Variants in CHTOP observed in about 807,000 individuals in gnomAD.
The protein encoded by CHTOP is chromatin target of PRMT1.
Under a neutral mutation model 33.6 loss-of-function variants are expected in CHTOP, and 18 were observed. The ratio of observed to expected loss-of-function variants is 0.54; its 90% CI spans 0.37 to 0.80. The LOEUF (loss-of-function observed/expected upper bound fraction) is 0.80. Among genes scored for constraint, CHTOP ranks in the 30% least tolerant of loss-of-function variants. CHTOP has a pLI of 0.00. For synonymous variants in CHTOP, 117 were observed against 127.7 expected (o/e 0.92, Z 0.56); for missense variants, 263 against 336.8 (o/e 0.78, Z 1.71).
At chr1:153,634,864 T>TG (rs1469611972) in intron 1 of CHTOP, among the ~76,000 whole-genome samples, 1 of 99,662 alleles carries the variant, frequency 1.0e-5, no homozygotes. Flanking sequence ...ATATTTTTTT[T>TG]TGGGGGGGGA....
At chr1:153,638,272 A>T (rs368889754) in intron 2 of CHTOP, 23 bp from the exon 3 acceptor site, 1 of 1,610,078 alleles carries the variant, frequency 6.2e-7, no homozygotes, top group Non-Finnish European at 8.5e-7. Context: ...TTATTTAAAC[A>T]TCCATTTTGT....
At chr1:153,639,976 G>T (rs374143285) in intron 3 of CHTOP, among the ~76,000 whole-genome samples, 1 of 152,018 alleles carries the variant, frequency 6.6e-6, no homozygotes, top group African/African-American at 2.4e-5. Flanking sequence ...GTTTTGTCAT[G>T]TTGGCCAGAC....
At chr1:153,642,125 A>G in intron 3 of CHTOP, 121 bp from the exon 4 acceptor site, 1 of 732,318 alleles carries the variant, frequency 1.4e-6, no homozygotes, top group East Asian at 2.8e-5. Context: ...GACACCCACA[A>G]CAGGTTTATC....
intron 5 of CHTOP, 64 bp from the exon 6 acceptor site, chr1:153,645,000 C>G (rs776209269): frequency 1.7e-5 from 26 of 1,487,654 alleles, no homozygotes; most frequent in Admixed American, 1.3e-4. Context: ...GGGGCATTTA[C>G]TACAGCACCT....
In CHTOP at chr1:153,645,314, C is replaced by A; in HGVS notation, c.*45C>A. 1 of 1,569,488 alleles carries A rather than the reference C, an allele frequency of 6.4e-7. No individual in the cohort carries two copies. The highest frequency in any genetic ancestry group is 1.3e-5 in the African/African-American group (1 of 74,106). On this transcript the variant is annotated 3_prime_UTR_variant, in exon 6 of 6. Coordinates refer to ENST00000368694, the MANE Select transcript of CHTOP (RefSeq NM_015607.4). ...GAGAGACTCTTGTTAGTCAACACAT[C>A]TGTAAATAACCTTGAGATAACAGAT...
chr1:153,642,736 A>G (rs917714197), intron 4 of CHTOP: 1 of 248,206 alleles, frequency 4.0e-6, no homozygotes, highest in Non-Finnish European at 7.8e-6. Context: ...CAAGTCAAAC[A>G]TAAGAAATTT....
intron 5 of CHTOP, 109 bp from the exon 6 acceptor site, chr1:153,644,955 C>T (rs1367656031): frequency 3.1e-6 from 3 of 969,234 alleles, no homozygotes; most frequent in African/African-American, 3.3e-5. Flanking sequence ...TTGCCCTGCC[C>T]TTCAGCTTTT....
chr1:153,635,849 C>T (rs1176940808), intron 1 of CHTOP, among the ~76,000 whole-genome samples: 1 of 151,478 alleles, frequency 6.6e-6, no homozygotes, highest in Non-Finnish European at 1.5e-5. Flanking sequence ...AGACTCCATA[C>T]TTTGATTGCT....
At chr1:153,639,629 A>G (rs1193061388) in intron 3 of CHTOP, among the ~76,000 whole-genome samples, 2 of 152,204 alleles carry the variant, frequency 1.3e-5, no homozygotes, top group African/African-American at 4.8e-5. Context: ...AAGCAGCAAA[A>G]GGCACCATTT....
rs745605535 is a variant in CHTOP, at chr1:153,642,306, G to A, written c.280G>A (p.Ala94Thr). 6.2e-7 allele frequency: 1 copy of A among 1,614,194 alleles called. No homozygotes were observed. The change falls in exon 4 of 6, where the codon GCC becomes ACC. Residue 94 changes from alanine to threonine, a missense_variant. By Grantham distance (58) the Ala-to-Thr change is moderately conservative (BLOSUM62 0). Around this residue, in one of 3 missense-constraint regions of CHTOP, gnomAD observed 168 missense variants for 179.9 expected, o/e 0.93. Transcript: ENST00000368694. ...GGCACGGTTAGGCCGACCCATAGGG[G>A]CCCTGGCCAGGGGAGCAATCGGAGG... ...IQARLGRPIG[A>T]LARGAIGGRG...
At chr1:153,638,599 A>T in intron 3 of CHTOP, 151 bp downstream of exon 3, 1 of 877,032 alleles carries the variant, frequency 1.1e-6, no homozygotes, top group Non-Finnish European at 1.8e-6. Context: ...AGAGAATTCC[A>T]ATTTTGGCAG....
intron 3 of CHTOP, chr1:153,639,342 T>TA: frequency 2.7e-6 from 2 of 737,346 alleles, no homozygotes; most frequent in South Asian, 1.2e-4. Context: ...AGACCTGAAA[T>TA]AAAACCTGCT....
At chr1:153,635,912 A>AGTTT (rs555384560) in intron 1 of CHTOP, among the ~76,000 whole-genome samples, 7 of 151,186 alleles carry the variant, frequency 4.6e-5, no homozygotes, top group South Asian at 2.1e-4. Flanking sequence ...TGGGCCTTGA[A>AGTTT]GTTTGTTTGT....
At chr1:153,640,663 C>G (rs560981465) in intron 3 of CHTOP, among the ~76,000 whole-genome samples, 6 of 152,154 alleles carry the variant, frequency 3.9e-5, no homozygotes, top group African/African-American at 1.4e-4. Context: ...CCCAGCTACT[C>G]GGGAGGCTGA....
chr1:153,643,119 AAACT>A, intron 4 of CHTOP, 104 bp from the exon 5 acceptor site: 1 of 1,397,228 alleles, frequency 7.2e-7, no homozygotes, highest in Non-Finnish European at 1.0e-6. Flanking sequence ...GCCAACCTAA[AAACT>A]AACTGAATTA....
At chr1:153,641,164 A>G (rs1347115790) in intron 3 of CHTOP, among the ~76,000 whole-genome samples, 1 of 152,262 alleles carries the variant, frequency 6.6e-6, no homozygotes, top group African/African-American at 2.4e-5. Flanking sequence ...TAGAAAGTTA[A>G]TAATGCTTCA....
In CHTOP at chr1:153,638,292, A is replaced by G; in HGVS notation, c.66-3A>G. ...TAAACATCCATTTTGTTCGACCTTG[A>G]AGCTTTACTAATATGCTGAAGAACA... On this transcript the variant is annotated splice_region_variant and splice_polypyrimidine_tract_variant and intron_variant, in intron 2 of 5. Transcript: ENST00000368694. The G allele has an allele frequency of 6.2e-7, 1 of 1,613,748 alleles. No homozygotes were observed. Among genetic ancestry groups the G allele is most frequent in the Non-Finnish European group, 8.5e-7 (1 of 1,179,658 alleles).
chr1:153,634,205 A>G lies in CHTOP; in HGVS notation c.-156A>G, dbSNP rs1189526694. ...CAACAACGAACTGAGCTCGCATACT[A>G]CCGCTTACGCATCTAACCAACCGCC... On this transcript the variant is annotated 5_prime_UTR_variant, in exon 1 of 6. Transcript: ENST00000368694. The G allele has an allele frequency of 6.6e-6, 1 of 152,630 alleles. No homozygotes were observed. Among genetic ancestry groups the G allele is most frequent in the African/African-American group, 2.4e-5 (1 of 41,432 alleles). The allele number at this position is 152,630 out of a possible 1,614,324, so 9.5% of individuals were successfully genotyped here.
In CHTOP at chr1:153,642,423, C is replaced by T; in HGVS notation, c.397C>T (p.Leu133Phe). The change falls in exon 4 of 6, where the codon CTC (leucine) becomes TTC (phenylalanine). Residue 133 changes from leucine to phenylalanine, a missense_variant. Coordinates refer to ENST00000368694, the MANE Select transcript of CHTOP (RefSeq NM_015607.4). ...TRTLLRGGMS[L>F]RGQNLLRGGR... Reference sequence around the variant, plus strand: ...AACCCTACTTAGGGGCGGGATGTCACTCCGAGGTCAGTGCTGTGTACCCTG... The same window carrying T: ...AACCCTACTTAGGGGCGGGATGTCATTCCGAGGTCAGTGCTGTGTACCCTG... 1.2e-6 allele frequency: 2 copies of T among 1,612,842 alleles called. No homozygotes were observed. The highest frequency in any genetic ancestry group is 8.5e-7 in the Non-Finnish European group (1 of 1,179,176).
Sources: allele counts gnomAD v4.1 joint callset (sites outside exome capture counted in the v4.1 genomes callset), GRCh38; gene constraint gnomAD v4.1.1; regional missense constraint gnomAD v4.1.1; transcripts MANE v1.5; gene names NCBI Gene and HGNC (gene_info 2026-07-23, HGNC 2026-07-21).